Variants in CAMKK1 observed in about 807,000 individuals in gnomAD.
CAMKK1 encodes calcium/calmodulin dependent protein kinase kinase 1.
In CAMKK1, 20 loss-of-function variants were observed where a neutral mutation model predicts 63.5. That is an observed-to-expected ratio of 0.32 (90% CI 0.22 to 0.46). CAMKK1 has a LOEUF of 0.46. Ranked by LOEUF, CAMKK1 falls within the 20% of genes least tolerant of loss-of-function variation. CAMKK1 has a pLI of 1.00. For synonymous variants in CAMKK1, 253 were observed against 269.0 expected (o/e 0.94, Z 0.58); for missense variants, 588 against 658.1 (o/e 0.89, Z 1.17).
rs374305956 is a variant in CAMKK1, at chr17:3,871,512, G to A, written c.1124+1042C>T. Among the ~76,000 whole-genome samples, 131 of 150,422 alleles carry A rather than the reference G, an allele frequency of 8.7e-4. 3 individuals carry two copies. Among genetic ancestry groups the A allele is most frequent in the South Asian group, 6.3e-4 (3 of 4,762 alleles). ...TGGGACTACAGGCACCCGCCACCACGCCCGGCTAATTTTTTTTCTATTTTT... is the reference window on the plus strand; with the variant it reads ...TGGGACTACAGGCACCCGCCACCACACCCGGCTAATTTTTTTTCTATTTTT... On this transcript the variant is annotated intron_variant, in intron 12 of 15. Coordinates refer to ENST00000348335, the MANE Select transcript of CAMKK1 (RefSeq NM_032294.3).
intron 9 of CAMKK1, among the ~76,000 whole-genome samples, chr17:3,878,062 T>C (rs2055245256): frequency 6.6e-6 from 1 of 152,160 alleles, no homozygotes; most frequent in Non-Finnish European, 1.5e-5. Context: ...TCATCCTCAA[T>C]TCCTCCTCTG....
intron 14 of CAMKK1, among the ~76,000 whole-genome samples, chr17:3,868,932 C>A (rs960689580): frequency 6.6e-6 from 1 of 150,736 alleles, no homozygotes; most frequent in African/African-American, 2.4e-5. Context: ...GGATTCCAGG[C>A]GTGAGCCACC....
chr17:3,886,506 C>T (rs2055658061), intron 1 of CAMKK1, among the ~76,000 whole-genome samples: 1 of 152,068 alleles, frequency 6.6e-6, no homozygotes, highest in African/African-American at 2.4e-5. Context: ...GTGGCGTGCA[C>T]CTGAAATCCC....
chr17:3,870,522 T>C (rs890537026), intron 12 of CAMKK1, among the ~76,000 whole-genome samples: 9 of 152,206 alleles, frequency 5.9e-5, no homozygotes, highest in East Asian at 3.9e-4. Context: ...CCCGCCACCG[T>C]GCCCGGCTAA....
intron 14 of CAMKK1, among the ~76,000 whole-genome samples, chr17:3,868,942 C>T (rs1482078562): frequency 1.3e-4 from 20 of 150,036 alleles, no homozygotes; most frequent in Middle Eastern, 3.6e-3. Context: ...CGTGAGCCAC[C>T]GCGCCCGGTA....
intron 12 of CAMKK1, among the ~76,000 whole-genome samples, chr17:3,871,208 G>T (rs1352524424): frequency 6.6e-6 from 1 of 152,070 alleles, no homozygotes; most frequent in Non-Finnish European, 1.5e-5. Context: ...GTGGCAACAA[G>T]GCCCAGAGAC....
At chr17:3,885,018 G>A (rs2055581597) in intron 2 of CAMKK1, among the ~76,000 whole-genome samples, 1 of 152,202 alleles carries the variant, frequency 6.6e-6, no homozygotes, top group African/African-American at 2.4e-5. Context: ...CTGGAGAAGA[G>A]TTAGGGGGGA....
At chr17:3,870,104 A>T (rs555981333) in intron 12 of CAMKK1, among the ~76,000 whole-genome samples, 1 of 152,260 alleles carries the variant, frequency 6.6e-6, no homozygotes, top group African/African-American at 2.4e-5. Context: ...TGGGTGCTGG[A>T]CACCCCAATG....
chr17:3,868,898 C>A (rs1376095997), intron 14 of CAMKK1, among the ~76,000 whole-genome samples: 1 of 151,998 alleles, frequency 6.6e-6, no homozygotes, highest in African/African-American at 2.4e-5. Context: ...CGTGATCCAC[C>A]CGCCTCGGCC....
Position 3,892,481 on chromosome 17 carries a change from C to G in CAMKK1, c.-44+458G>C, listed in dbSNP as rs1005277333. On this transcript the variant is annotated intron_variant, in intron 1 of 15. Transcript: ENST00000348335. This position sits in a 1 kb window ranked among gnomAD's most constrained non-coding sequence, Gnocchi z 7.5. Reference sequence around the variant, plus strand: ...GACCCTGCGCAGCCTGAGCCGCGCGCCGCCGCCGCCCCATTCATCTCCCAC... The same window carrying G: ...GACCCTGCGCAGCCTGAGCCGCGCGGCGCCGCCGCCCCATTCATCTCCCAC... Among the ~76,000 whole-genome samples the G allele has an allele frequency of 5.9e-5, 9 of 152,182 alleles. No individual in the cohort carries two copies. The highest frequency in any genetic ancestry group is 2.2e-4 in the African/African-American group (9 of 41,452).
chr17:3,888,024 T>C (rs1490804652), intron 1 of CAMKK1, among the ~76,000 whole-genome samples: 1 of 152,170 alleles, frequency 6.6e-6, no homozygotes, highest in East Asian at 1.9e-4. Context: ...GTGGTTGCCA[T>C]AGTGATCGTT....
chr17:3,890,576 A>AT lies in CAMKK1; in HGVS notation c.-44+2362_-44+2363insA. 1.3e-6 allele frequency: 1 copy of AT among 764,692 alleles called. No homozygotes were observed. The highest frequency in any genetic ancestry group is 1.4e-5 in the South Asian group (1 of 72,698). 47.4% of individuals were successfully genotyped at this position (764,692 alleles called of 1,614,324 possible). ...CTCGTCCTCCTCTGTCTCCATTGCG[A>AT]GACGGGTACCACACCCTCCCCATTC... On this transcript the variant is annotated intron_variant, in intron 1 of 15. Coordinates refer to ENST00000348335, the MANE Select transcript of CAMKK1 (RefSeq NM_032294.3). This position sits in a 1 kb window ranked among gnomAD's most constrained non-coding sequence, Gnocchi z 6.5.
Position 3,882,465 on chromosome 17 carries a change from T to G in CAMKK1, c.685+63A>C. On this transcript the variant is annotated intron_variant, in intron 7 of 15. Transcript: ENST00000348335. The surrounding 1 kb of genome is among the most constrained non-coding windows in gnomAD (Gnocchi z 4.3). ...ACCGCCCACCTGAAGGTCATACATGTCCCAAGGGAGCCCTTGGGCCAGCCC... is the reference window on the plus strand; with the variant it reads ...ACCGCCCACCTGAAGGTCATACATGGCCCAAGGGAGCCCTTGGGCCAGCCC... 1 of 1,586,588 alleles carries G rather than the reference T, an allele frequency of 6.3e-7. No homozygotes were observed. Among genetic ancestry groups the G allele is most frequent in the Non-Finnish European group, 8.6e-7 (1 of 1,157,328 alleles).
chr17:3,879,420 C>G lies in CAMKK1; in HGVS notation c.796+926G>C, dbSNP rs932274864. The G allele has an allele frequency of 2.6e-5, 4 of 152,694 alleles. No individual in the cohort carries two copies. The highest frequency in any genetic ancestry group is 9.6e-5 in the African/African-American group (4 of 41,454). The allele number at this position is 152,694 out of a possible 1,614,324, so 9.5% of individuals were successfully genotyped here. The stretch of plus-strand genomic sequence containing the variant: ...GGCACAAATCCCATCACGCCCCTCC[C>G]CATGCTTAAAGCTCTCAGGGCCTCA... On this transcript the variant is annotated intron_variant, in intron 9 of 15. Coordinates refer to ENST00000348335, the MANE Select transcript of CAMKK1 (RefSeq NM_032294.3). This position sits in a 1 kb window ranked among gnomAD's most constrained non-coding sequence, Gnocchi z 4.5.
intron 12 of CAMKK1, among the ~76,000 whole-genome samples, chr17:3,871,888 T>C (rs774505164): frequency 4.0e-5 from 6 of 149,198 alleles, no homozygotes; most frequent in Non-Finnish European, 7.5e-5. Context: ...TCAGGTGATC[T>C]GCCCACCTCA....
chr17:3,870,674 G>A (rs1178728419), intron 12 of CAMKK1, among the ~76,000 whole-genome samples: 1 of 152,112 alleles, frequency 6.6e-6, no homozygotes, highest in East Asian at 1.9e-4. Context: ...CAAACCCCAG[G>A]TTTCTTTGCC....
rs778740422 is a variant in CAMKK1 at position 3,883,149 on chromosome 17, C to G, written c.541G>C (p.Ala181Pro). Residue 181 changes from alanine to proline, a missense_variant, in exon 6 of 16, where the codon GCT becomes CCT. Ala to Pro is a conservative substitution (Grantham distance 27). This residue lies in a region of CAMKK1 where 357 missense variants were observed against 407.4 expected (regional missense o/e 0.88). Coordinates refer to ENST00000348335, the MANE Select transcript of CAMKK1 (RefSeq NM_032294.3). This position sits in a 1 kb window ranked among gnomAD's most constrained non-coding sequence, Gnocchi z 4.7. ...TGCTTGGCTGGTCCTCCCTGGGCAGCCTGGGACCCTCTCGGGGGAGGGCGA... is the reference window on the plus strand; with the variant it reads ...TGCTTGGCTGGTCCTCCCTGGGCAGGCTGGGACCCTCTCGGGGGAGGGCGA... The part of the protein sequence containing the change: ...PRRPPPRGSQ[A>P]AQGGPAKQLL... 1.9e-6 allele frequency: 3 copies of G among 1,612,252 alleles called. No individual in the cohort carries two copies. Among genetic ancestry groups the G allele is most frequent in the South Asian group, 2.2e-5 (2 of 91,078 alleles).
rs1250882269 is a variant in CAMKK1, at chr17:3,887,586, A to G, written c.-43-1856T>C. Among the ~76,000 whole-genome samples, 1 of 151,472 alleles carries G rather than the reference A, an allele frequency of 6.6e-6. No homozygotes were observed. The highest frequency in any genetic ancestry group is 2.4e-5 in the African/African-American group (1 of 41,176). On this transcript the variant is annotated intron_variant, in intron 1 of 15. Coordinates refer to ENST00000348335, the MANE Select transcript of CAMKK1 (RefSeq NM_032294.3). The surrounding 1 kb of genome is among the most constrained non-coding windows in gnomAD (Gnocchi z 6.1). ...CTGTGGCACAAGGAGGCCTCCCTGGAGGAGGTGAGAGGGGACAGGGAGTGG... is the reference window on the plus strand; with the variant it reads ...CTGTGGCACAAGGAGGCCTCCCTGGGGGAGGTGAGAGGGGACAGGGAGTGG...
At chr17:3,868,994 A>T (rs2054708431) in intron 14 of CAMKK1, among the ~76,000 whole-genome samples, 1 of 139,202 alleles carries the variant, frequency 7.2e-6, no homozygotes. Flanking sequence ...TTTGAGACGC[A>T]GTCTCGCTCT....
Sources: gnomAD v4.1 joint callset for allele counts (sites outside exome capture counted in the v4.1 genomes callset) on GRCh38, gnomAD v4.1.1 for gene constraint, gnomAD v4.1.1 regional missense constraint, Gnocchi (gnomAD v3.1) non-coding constraint, MANE v1.5 for transcripts, NCBI Gene and HGNC (gene_info 2026-07-23, HGNC 2026-07-21) for gene names.